The following LAPTM4A variants were observed in gnomAD, a reference collection of about 807,000 sequenced individuals.
LAPTM4A encodes lysosomal protein transmembrane 4 alpha.
LAPTM4A carries 19 observed loss-of-function variants against 29.9 expected under a neutral mutation model. The ratio of observed to expected loss-of-function variants is 0.64; its 90% CI spans 0.44 to 0.93. The LOEUF (loss-of-function observed/expected upper bound fraction) is 0.93. LAPTM4A is among the 40% of genes least tolerant of loss of function. LAPTM4A has a pLI of 0.00. For missense variants in LAPTM4A, 293 were observed against 288.5 expected, an observed-to-expected ratio of 1.02 and a Z score of -0.11; for synonymous variants, 105 against 102.1, an observed-to-expected ratio of 1.03 and a Z score of -0.17.
intron 1 of LAPTM4A, among the ~76,000 whole-genome samples, chr2:20,049,988 C>T (rs1394290190): frequency 1.3e-5 from 2 of 152,124 alleles, no homozygotes. Flanking sequence ...AGCTGATGGT[C>T]ATTAACTCTA....
At chr2:20,050,724 G>A (rs1674039335) in intron 1 of LAPTM4A, among the ~76,000 whole-genome samples, 1 of 152,178 alleles carries the variant, frequency 6.6e-6, no homozygotes, top group Admixed American at 6.5e-5. Context: ...GGATGGAGAG[G>A]GCTCTCAATA....
chr2:20,050,636 A>G (rs1674034104), intron 1 of LAPTM4A, among the ~76,000 whole-genome samples: 1 of 152,184 alleles, frequency 6.6e-6, no homozygotes, highest in Admixed American at 6.5e-5. Flanking sequence ...GTGAATCACC[A>G]GGCAACAACA....
chr2:20,041,373 A>G (rs1000438543), intron 1 of LAPTM4A, among the ~76,000 whole-genome samples: 2 of 152,202 alleles, frequency 1.3e-5, no homozygotes, highest in East Asian at 3.8e-4. Flanking sequence ...TTCATCTGTT[A>G]TATTTATTCA....
chr2:20,045,968 T>A (rs1381964959), intron 1 of LAPTM4A, among the ~76,000 whole-genome samples: 1 of 152,166 alleles, frequency 6.6e-6, no homozygotes, highest in Non-Finnish European at 1.5e-5. Context: ...AAGCCTGTTA[T>A]CTGATAAAGA....
intron 6 of LAPTM4A, 63 bp downstream of exon 6, chr2:20,034,254 G>A: frequency 1.8e-6 from 2 of 1,111,482 alleles, no homozygotes; most frequent in Non-Finnish European, 1.4e-6. Flanking sequence ...CAAGCTCCAG[G>A]TTCTTCTCCT....
At chr2:20,048,013 A>G (rs968455342) in intron 1 of LAPTM4A, among the ~76,000 whole-genome samples, 2 of 152,222 alleles carry the variant, frequency 1.3e-5, no homozygotes, top group Non-Finnish European at 2.9e-5. Context: ...TGAGGGCTAG[A>G]AAGGAATAGA....
In LAPTM4A at chr2:20,037,400, T is replaced by G. The variant is rs1301454387; in HGVS notation, c.348A>C (p.Arg116=). The G allele has an allele frequency of 6.2e-7, 1 of 1,612,454 alleles. No individual in the cohort carries two copies. The highest frequency in any genetic ancestry group is 8.5e-7 in the Non-Finnish European group (1 of 1,179,460). ...VGWLIPFFCY[R]LFDFVLSCLV... Reference sequence around the variant, plus strand: ...GGCAACTGAGGACGAAGTCAAAAAGTCGGTAACAGAAGAATGGAATCAGCC... The same window carrying G: ...GGCAACTGAGGACGAAGTCAAAAAGGCGGTAACAGAAGAATGGAATCAGCC... The change falls in exon 4 of 7, where the codon CGA becomes CGC. Residue 116 remains arginine (R), a synonymous_variant. Transcript: ENST00000175091.
chr2:20,035,864 GA>G (rs1422681730), intron 4 of LAPTM4A, among the ~76,000 whole-genome samples: 9 of 150,870 alleles, frequency 6.0e-5, no homozygotes, highest in African/African-American at 1.9e-4. Context: ...GTTTTTAATG[GA>G]AATGTCAACA....
chr2:20,044,284 G>A (rs1673865419), intron 1 of LAPTM4A, among the ~76,000 whole-genome samples: 2 of 152,196 alleles, frequency 1.3e-5, no homozygotes, highest in Non-Finnish European at 2.9e-5. Flanking sequence ...TATGTTCTGT[G>A]TATGGAAATC....
intron 2 of LAPTM4A, 64 bp downstream of exon 2, chr2:20,040,824 AAAC>A: frequency 7.1e-7 from 1 of 1,411,734 alleles, no homozygotes; most frequent in Non-Finnish European, 9.9e-7. Context: ...CCCCATCATT[AAAC>A]AACACAGGAC....
At position 20,039,034 on chromosome 2, in the gene LAPTM4A, A is replaced by T. The variant is rs151268518; in HGVS notation, c.233-1420T>A. ...CAGGTTCATGAGATTCTTTTGCCTC[A>T]GCCTCCAGAGTAGCTAGGATTGCAG... On this transcript the variant is annotated intron_variant, in intron 2 of 6. Transcript: ENST00000175091. 5.7e-4 allele frequency among the ~76,000 whole-genome samples: 86 copies of T among 152,092 alleles called. No homozygotes were observed. In the South Asian group the frequency reaches 0.016, roughly 28 times the overall value.
At chr2:20,037,876 C>T (rs1474177333) in intron 2 of LAPTM4A, among the ~76,000 whole-genome samples, 2 of 152,054 alleles carry the variant, frequency 1.3e-5, no homozygotes, top group Non-Finnish European at 2.9e-5. Flanking sequence ...GGCACATGAA[C>T]CACATTCTCT....
intron 2 of LAPTM4A, among the ~76,000 whole-genome samples, chr2:20,039,979 G>A (rs1673759963): frequency 6.6e-6 from 1 of 151,960 alleles, no homozygotes; most frequent in African/African-American, 2.4e-5. Context: ...CCAGGAGGCA[G>A]AGGTTGCCCT....
In LAPTM4A at chr2:20,032,995, C is replaced by A; in HGVS notation, c.*210G>T. 1.8e-6 allele frequency: 1 copy of A among 546,992 alleles called. No individual in the cohort carries two copies. Among genetic ancestry groups the A allele is most frequent in the South Asian group, 2.7e-5 (1 of 37,280 alleles). 33.9% of individuals were successfully genotyped at this position (546,992 alleles called of 1,614,324 possible). ...GCTCTTGCTTAACCTAGATTGTCTTCAAAAACTATTAAAATGTAAAAGACT... is the reference window on the plus strand; with the variant it reads ...GCTCTTGCTTAACCTAGATTGTCTTAAAAAACTATTAAAATGTAAAAGACT... On this transcript the variant is annotated 3_prime_UTR_variant, in exon 7 of 7. Transcript: ENST00000175091.
At position 20,040,986 on chromosome 2, in the gene LAPTM4A, A is replaced by C; in HGVS notation, c.137T>G (p.Leu46Trp). The change falls in exon 2 of 7, where the codon TTG (leucine) becomes TGG (tryptophan). Residue 46 changes from leucine (L) to tryptophan (W), a missense_variant. Coordinates refer to ENST00000175091, the MANE Select transcript of LAPTM4A (RefSeq NM_014713.5). ...YMVVNLLMAILLTVEVTHPNS... is the reference protein window; with the variant it reads ...YMVVNLLMAIWLTVEVTHPNS... ...TGGATGAGTCACTTCCACAGTCAGC[A>C]AAATTGCCATCAATAGGTTTACTAC... is the stretch of plus-strand genomic sequence containing the variant. 1 of 1,613,918 alleles carries C rather than the reference A, an allele frequency of 6.2e-7. No homozygotes were observed. Among genetic ancestry groups the C allele is most frequent in the African/African-American group, 1.3e-5 (1 of 75,048 alleles).
chr2:20,040,428 A>G (rs80269392), intron 2 of LAPTM4A, among the ~76,000 whole-genome samples: 2,224 of 152,310 alleles, frequency 0.015, 52 homozygotes, highest in African/African-American at 0.052. Context: ...TGTTACCCTT[A>G]TTATGTAACC....
chr2:20,048,608 CCCAAGTT>C (rs1199296790), intron 1 of LAPTM4A, among the ~76,000 whole-genome samples: 3 of 152,186 alleles, frequency 2.0e-5, no homozygotes, highest in Non-Finnish European at 4.4e-5. Flanking sequence ...GAGGGGCTCC[CCCAAGTT>C]CCAAATGACA....
rs551375043 is a variant in LAPTM4A at position 20,034,732 on chromosome 2, T to A, written c.528+235A>T. On this transcript the variant is annotated intron_variant, in intron 5 of 6. Coordinates refer to ENST00000175091, the MANE Select transcript of LAPTM4A (RefSeq NM_014713.5). ...TTCAATACAAATCATGAACCCCTTT[T>A]CAAAAACATAAAAAGTAGGTCCTTT... Among the ~76,000 whole-genome samples the A allele has an allele frequency of 5.9e-4, 90 of 152,150 alleles. 1 individual carries two copies. Among genetic ancestry groups the A allele is most frequent in the Non-Finnish European group, 1.1e-3 (77 of 68,016 alleles).
rs1033621464 is a variant in LAPTM4A, at chr2:20,048,242, T to G, written c.111+3168A>C. ...TCAATTATTCAATAAACATTTGAGT[T>G]TATACCTCATAAGAAACTTGTTTAA... On this transcript the variant is annotated intron_variant, in intron 1 of 6. Coordinates refer to ENST00000175091, the MANE Select transcript of LAPTM4A (RefSeq NM_014713.5). Among the ~76,000 whole-genome samples, 5 of 152,340 alleles carry G rather than the reference T, an allele frequency of 3.3e-5. No individual in the cohort carries two copies. The East Asian group carries it at 9.6e-4, about 29-fold the overall frequency.
Sources: gnomAD v4.1 joint callset for allele counts (sites outside exome capture counted in the v4.1 genomes callset) on GRCh38, gnomAD v4.1.1 for gene constraint, MANE v1.5 for transcripts, NCBI Gene and HGNC (gene_info 2026-07-23, HGNC 2026-07-21) for gene names.